Variants in CCDC93 observed in about 807,000 individuals in gnomAD.
The protein encoded by CCDC93 is CCC complex scaffolding subunit CCDC93.
A neutral mutation model predicts 108.2 loss-of-function variants in CCDC93; 61 were observed. That is an observed-to-expected ratio of 0.56 (90% CI 0.46 to 0.70). The LOEUF (loss-of-function observed/expected upper bound fraction) is 0.70. Ranked by LOEUF, CCDC93 falls within the 30% of genes least tolerant of loss-of-function variation. CCDC93 has a pLI of 0.00. For synonymous variants in CCDC93, 276 were observed against 260.4 expected (o/e 1.06, Z -0.58); for missense variants, 685 against 764.2 (o/e 0.90, Z 1.22).
intron 3 of CCDC93, among the ~76,000 whole-genome samples, chr2:118,003,219 ACATGGGATAG>A (rs1415014507): frequency 8.5e-5 from 13 of 152,314 alleles, no homozygotes; most frequent in African/African-American, 3.1e-4. Context: ...CTTGGGACTC[ACATGGGATAG>A]CTTGGTAGTG....
At chr2:117,978,416 GCTA>G in intron 7 of CCDC93, among the ~76,000 whole-genome samples, 1 of 152,026 alleles carries the variant, frequency 6.6e-6, no homozygotes, top group Non-Finnish European at 1.5e-5. Context: ...CGCTTTAATG[GCTA>G]CTTCCATAAC....
chr2:117,916,162 G>A lies in CCDC93; in HGVS notation c.*4181C>T, dbSNP rs1046328. ...TACATGTCACACTCCTGCCACCACC[G>A]TATCTAGTGCTGCCACCCACAGCCT... is the stretch of plus-strand genomic sequence containing the variant. On this transcript the variant is annotated 3_prime_UTR_variant, in exon 24 of 24. Transcript: ENST00000376300. 55,518 of 151,950 alleles carry A rather than the reference G, an allele frequency of 0.37. 10,934 individuals are homozygous for A. The highest frequency in any genetic ancestry group is 0.49 in the African/African-American group (20,239 of 41,418). 9.4% of individuals were successfully genotyped at this position (151,950 alleles called of 1,614,324 possible).
chr2:118,007,863 G>C (rs1676920434), intron 2 of CCDC93, among the ~76,000 whole-genome samples: 1 of 152,354 alleles, frequency 6.6e-6, no homozygotes, highest in Non-Finnish European at 1.5e-5. Context: ...AGCCAGGACT[G>C]TGACCCCGTG....
chr2:117,927,716 A>G (rs938245783), intron 23 of CCDC93, among the ~76,000 whole-genome samples: 1 of 152,206 alleles, frequency 6.6e-6, no homozygotes, highest in African/African-American at 2.4e-5. Flanking sequence ...TGCCATCCCC[A>G]TCAAGCTACC....
chr2:118,002,642 A>G (rs570696246), intron 3 of CCDC93, among the ~76,000 whole-genome samples: 1 of 152,280 alleles, frequency 6.6e-6, no homozygotes, highest in Admixed American at 6.5e-5. Flanking sequence ...GAGAGGGAGT[A>G]TCTTCCTCCT....
chr2:117,942,415 T>C (rs1678729789), intron 18 of CCDC93, among the ~76,000 whole-genome samples: 1 of 152,118 alleles, frequency 6.6e-6, no homozygotes, highest in Non-Finnish European at 1.5e-5. Context: ...GGAGCCTCTG[T>C]CCATGCCAGT....
chr2:117,941,291 T>C lies in CCDC93; in HGVS notation c.1420A>G (p.Arg474Gly), dbSNP rs774041462. ...TGCAAAATTGCTATTTCTCGATTTC[T>C]TCGAGCCTAAATGCAAAAGGGAGAC... ...LYKIRLLQAR[R>G]NREIAILHRK... Residue 474 changes from arginine (R) to glycine (G), a missense_variant, in exon 19 of 24, where the codon AGA becomes GGA. By Grantham distance (125) the Arg-to-Gly change is moderately radical. Transcript: ENST00000376300. 3 of 1,613,100 alleles carry C rather than the reference T, an allele frequency of 1.9e-6. No individual in the cohort carries two copies. Among genetic ancestry groups the C allele is most frequent in the East Asian group, 4.5e-5 (2 of 44,864 alleles).
chr2:117,963,285 C>T (rs568552342), intron 11 of CCDC93, among the ~76,000 whole-genome samples: 6 of 152,234 alleles, frequency 3.9e-5, no homozygotes, highest in African/African-American at 1.4e-4. Context: ...ACAAGCATGC[C>T]CATTCCTCCC....
chr2:117,961,254 G>C (rs1322463150), intron 11 of CCDC93, among the ~76,000 whole-genome samples: 3 of 152,082 alleles, frequency 2.0e-5, no homozygotes, highest in African/African-American at 7.2e-5. Context: ...AAAATATCTT[G>C]AAATCTCTAT....
chr2:117,979,145 T>C (rs951036467), intron 7 of CCDC93, among the ~76,000 whole-genome samples: 2 of 152,232 alleles, frequency 1.3e-5, no homozygotes, highest in African/African-American at 2.4e-5. Context: ...AACTTCTGCA[T>C]TGGCCTGATG....
intron 19 of CCDC93, among the ~76,000 whole-genome samples, chr2:117,939,647 C>T (rs1240657994): frequency 6.6e-6 from 1 of 152,182 alleles, no homozygotes; most frequent in Non-Finnish European, 1.5e-5. Flanking sequence ...ACTGTCACTG[C>T]TGATCCCTGC....
chr2:117,972,588 G>C (rs1679799866), intron 11 of CCDC93, among the ~76,000 whole-genome samples: 1 of 151,002 alleles, frequency 6.6e-6, no homozygotes, highest in East Asian at 1.9e-4. Context: ...AAACAGCAGT[G>C]GGTGCTCTAT....
intron 11 of CCDC93, among the ~76,000 whole-genome samples, chr2:117,963,253 C>A (rs969915700): frequency 9.9e-5 from 15 of 152,180 alleles, no homozygotes; most frequent in African/African-American, 3.4e-4. Flanking sequence ...ACACCCCCTC[C>A]CAATGCACAC....
chr2:117,945,007 G>GGGCCCAATA, intron 17 of CCDC93, among the ~76,000 whole-genome samples: 1 of 152,190 alleles, frequency 6.6e-6, no homozygotes, highest in Non-Finnish European at 1.5e-5. Flanking sequence ...AATATGCCTT[G>GGGCCCAATA]TGGCCCATTT....
chr2:117,956,155 T>A (rs1179786875), intron 12 of CCDC93, among the ~76,000 whole-genome samples: 1 of 152,234 alleles, frequency 6.6e-6, no homozygotes, highest in Non-Finnish European at 1.5e-5. Flanking sequence ...GGTCAGGGAT[T>A]ACTCCATGTG....
At chr2:117,939,710 G>C (rs1380610035) in intron 19 of CCDC93, among the ~76,000 whole-genome samples, 1 of 152,160 alleles carries the variant, frequency 6.6e-6, no homozygotes, top group Non-Finnish European at 1.5e-5. Flanking sequence ...AGCCTAGTGG[G>C]GCCGGGCACA....
intron 7 of CCDC93, among the ~76,000 whole-genome samples, chr2:117,982,895 C>T (rs113786595): frequency 6.6e-6 from 1 of 152,174 alleles, no homozygotes; most frequent in African/African-American, 2.4e-5. Flanking sequence ...ACTTCCCATA[C>T]ACATGCTAGA....
rs1680648971 is a variant in CCDC93 at position 117,996,376 on chromosome 2, T to C, written c.364-14A>G. On this transcript the variant is annotated splice_polypyrimidine_tract_variant and intron_variant, in intron 4 of 23. Transcript: ENST00000376300. ...TTTCACCAGCCACTGGGGAAGAAAG[T>C]GAAAAGACAAGAGTTGCTAAGGACA... 3.8e-6 allele frequency: 6 copies of C among 1,588,850 alleles called. No homozygotes were observed. Among genetic ancestry groups the C allele is most frequent in the Non-Finnish European group, 5.2e-6 (6 of 1,157,356 alleles).
Position 118,007,148 on chromosome 2 carries a change from C to T in CCDC93, c.157-332G>A, listed in dbSNP as rs558970360. ...TTTATTATTAAATGAACATACTGTA[C>T]ATAGATCCTCTTTATAGTCAAAAGG... On this transcript the variant is annotated intron_variant, in intron 2 of 23. Transcript: ENST00000376300. Among the ~76,000 whole-genome samples the T allele has an allele frequency of 7.2e-5, 11 of 152,324 alleles. No homozygotes were observed. In the South Asian group the frequency reaches 1.7e-3, roughly 23 times the overall value.
Sources: gnomAD v4.1 joint callset for allele counts (sites outside exome capture counted in the v4.1 genomes callset) on GRCh38, gnomAD v4.1.1 for gene constraint, MANE v1.5 for transcripts, NCBI Gene and HGNC (gene_info 2026-07-23, HGNC 2026-07-21) for gene names.